Variants in ADGRL3 observed in about 807,000 individuals in gnomAD.
ADGRL3 encodes the protein calcium-independent alpha-latrotoxin receptor 3.
Under a neutral mutation model 153.5 loss-of-function variants are expected in ADGRL3, and 62 were observed. The observed-to-expected ratio is 0.40, with a 90% CI of 0.33 to 0.50. The LOEUF (loss-of-function observed/expected upper bound fraction) is 0.50. Ranked by LOEUF, ADGRL3 falls within the 20% of genes least tolerant of loss-of-function variation. The probability of loss-of-function intolerance (pLI) is 0.47; values close to 1 mark genes in which losing one functional copy is unlikely to be tolerated. For synonymous variants in ADGRL3, 710 were observed against 672.5 expected (o/e 1.06, Z -0.86); for missense variants, 1,641 against 1,859.4 (o/e 0.88, Z 2.16).
chr4:62,028,610 T>TA (rs1020041351), intron 21 of ADGRL3, among the ~76,000 whole-genome samples: 15 of 151,776 alleles, frequency 9.9e-5, no homozygotes, highest in Admixed American at 2.6e-4. Context: ...GAGCACATGA[T>TA]AAAAAAATGG....
intron 2 of ADGRL3, among the ~76,000 whole-genome samples, chr4:61,481,944 G>A (rs76731886): frequency 0.03 from 4,509 of 151,744 alleles, 234 homozygotes; most frequent in African/African-American, 0.099. Context: ...GCAAAAATAC[G>A]TTTTTTTCCT....
chr4:61,641,663 C>T (rs2093680633), intron 5 of ADGRL3, among the ~76,000 whole-genome samples: 1 of 151,946 alleles, frequency 6.6e-6, no homozygotes, highest in Non-Finnish European at 1.5e-5. Flanking sequence ...ATATGTGCCA[C>T]ATTTTCTTAA....
chr4:61,832,401 C>T (rs1431282974), intron 9 of ADGRL3, among the ~76,000 whole-genome samples: 3 of 151,828 alleles, frequency 2.0e-5, no homozygotes, highest in African/African-American at 7.3e-5. Context: ...TTTATTTTTC[C>T]TGGATATTTG....
chr4:61,614,377 G>A (rs1461765431), intron 5 of ADGRL3, among the ~76,000 whole-genome samples: 2 of 152,144 alleles, frequency 1.3e-5, no homozygotes, highest in African/African-American at 2.4e-5. Context: ...GCTGATGTCT[G>A]CTAGGAGGCA....
At chr4:61,755,552 T>C (rs2152104062) in intron 8 of ADGRL3, among the ~76,000 whole-genome samples, 1 of 152,306 alleles carries the variant, frequency 6.6e-6, no homozygotes, top group South Asian at 2.1e-4. Flanking sequence ...GCAAAAATTT[T>C]CTCCCGTTCT....
chr4:61,423,618 G>C (rs17291954), intron 2 of ADGRL3, among the ~76,000 whole-genome samples: 1 of 152,120 alleles, frequency 6.6e-6, no homozygotes, highest in African/African-American at 2.4e-5. Context: ...GGAGGCCAAC[G>C]GATTAGGGCC....
At chr4:61,454,169 A>G (rs2097707604) in intron 2 of ADGRL3, among the ~76,000 whole-genome samples, 1 of 152,112 alleles carries the variant, frequency 6.6e-6, no homozygotes, top group Non-Finnish European at 1.5e-5. Context: ...CCTACCCAGG[A>G]AGTAGTTTTC....
intron 3 of ADGRL3, among the ~76,000 whole-genome samples, chr4:61,502,267 T>C (rs1190546092): frequency 1.3e-5 from 2 of 152,086 alleles, no homozygotes; most frequent in Non-Finnish European, 2.9e-5. Flanking sequence ...CCCAGATGAT[T>C]GGGAGTTCAG....
chr4:61,945,597 G>C (rs1171937034), intron 15 of ADGRL3, among the ~76,000 whole-genome samples: 1 of 134,712 alleles, frequency 7.4e-6, no homozygotes. Flanking sequence ...GATTCCGTGG[G>C]CGTAGGACCC....
At chr4:61,698,672 C>G (rs1348239192) in intron 6 of ADGRL3, among the ~76,000 whole-genome samples, 1 of 152,016 alleles carries the variant, frequency 6.6e-6, no homozygotes, top group Non-Finnish European at 1.5e-5. Flanking sequence ...GTGAGTTTAT[C>G]TTATGACATA....
chr4:61,570,227 T>C lies in ADGRL3; in HGVS notation c.260-17000T>C, dbSNP rs551460983. Among the ~76,000 whole-genome samples, 11 of 152,260 alleles carry C rather than the reference T, an allele frequency of 7.2e-5. No individual in the cohort carries two copies. The South Asian group carries it at 1.0e-3, about 14-fold the overall frequency. On this transcript the variant is annotated intron_variant, in intron 4 of 26. Transcript: ENST00000683033. Reference sequence around the variant, plus strand: ...CTTATCTTTGCTATCTCCCCTGACTTTCACTTTTTCTGCTAGTAATACAGC... The same window carrying C: ...CTTATCTTTGCTATCTCCCCTGACTCTCACTTTTTCTGCTAGTAATACAGC...
chr4:61,488,333 A>AT (rs1365771705), intron 2 of ADGRL3, among the ~76,000 whole-genome samples: 1 of 152,066 alleles, frequency 6.6e-6, no homozygotes, highest in Non-Finnish European at 1.5e-5. Flanking sequence ...TACTTCAGTG[A>AT]TAAAAAAATA....
chr4:61,419,723 T>A (rs901226603), intron 2 of ADGRL3, among the ~76,000 whole-genome samples: 4 of 152,210 alleles, frequency 2.6e-5, no homozygotes, highest in African/African-American at 7.2e-5. Context: ...TGTAATTTTT[T>A]AAAAATTTTG....
chr4:61,330,890 A>T (rs1017926790), intron 1 of ADGRL3, among the ~76,000 whole-genome samples: 3 of 152,142 alleles, frequency 2.0e-5, no homozygotes. Context: ...GCTAGACACA[A>T]AAGTTCTCCA....
chr4:61,990,952 CTGTGTG>C (rs34294452), intron 19 of ADGRL3, among the ~76,000 whole-genome samples: 4,595 of 142,328 alleles, frequency 0.032, 228 homozygotes, highest in African/African-American at 0.11. Context: ...ATGTTTGAAA[CTGTGTG>C]TGTGTGTGTG....
chr4:61,599,680 A>AGAT lies in ADGRL3; in HGVS notation c.473+12241_473+12243dup, dbSNP rs565927115. 9.2e-5 allele frequency among the ~76,000 whole-genome samples: 14 copies of AGAT among 152,228 alleles called. No homozygotes were observed. In the South Asian group the frequency reaches 2.9e-3, roughly 32 times the overall value. ...TTTTTCCAAGGAAAGCTGGAGGGAC[A>AGAT]GATAGAGTAATTATTTTAGGTATTA... On this transcript the variant is annotated intron_variant, in intron 5 of 26. Coordinates refer to ENST00000683033, the MANE Select transcript of ADGRL3 (RefSeq NM_001387552.1).
In ADGRL3 at chr4:61,447,758, G is replaced by A. The variant is rs560015441; in HGVS notation, c.-173-49363G>A. 2.6e-5 allele frequency among the ~76,000 whole-genome samples: 4 copies of A among 152,184 alleles called. No homozygotes were observed. The East Asian group carries it at 7.7e-4, about 29-fold the overall frequency. ...TGCCCCTTTTCTGTAAGTCTTTTGG[G>A]ATCCTGTGTAGAAGCTGTTCTCATT... On this transcript the variant is annotated intron_variant, in intron 2 of 26. Coordinates refer to ENST00000683033, the MANE Select transcript of ADGRL3 (RefSeq NM_001387552.1).
intron 2 of ADGRL3, among the ~76,000 whole-genome samples, chr4:61,460,842 G>C (rs1387879014): frequency 6.6e-6 from 1 of 152,132 alleles, no homozygotes; most frequent in Non-Finnish European, 1.5e-5. Context: ...GCCGAGGTGG[G>C]CAGATCACCT....
chr4:61,445,682 T>TA (rs2097574469), intron 2 of ADGRL3, among the ~76,000 whole-genome samples: 1 of 152,222 alleles, frequency 6.6e-6, no homozygotes. Flanking sequence ...ATTTCAGCAT[T>TA]ACTTTCTCAG....
Sources: gnomAD v4.1 joint callset for allele counts (sites outside exome capture counted in the v4.1 genomes callset) on GRCh38, gnomAD v4.1.1 for gene constraint, MANE v1.5 for transcripts, NCBI Gene and HGNC (gene_info 2026-07-23, HGNC 2026-07-21) for gene names.